TLN2: variants seen among roughly 807,000 people sequenced by gnomAD.
The protein encoded by TLN2 is talin-2.
TLN2 carries 118 observed loss-of-function variants against 294.7 expected under a neutral mutation model. The ratio of observed to expected loss-of-function variants is 0.40; its 90% CI spans 0.34 to 0.47. The LOEUF (loss-of-function observed/expected upper bound fraction) is 0.47, where lower values mean the gene tolerates loss of function less well. Ranked by LOEUF, TLN2 falls within the 20% of genes least tolerant of loss-of-function variation. The pLI, the probability that TLN2 is intolerant of heterozygous loss-of-function variation, is 0.84. For synonymous variants in TLN2, 1,431 were observed against 1,304.5 expected, an observed-to-expected ratio of 1.10 and a Z score of -2.09; for missense variants, 3,083 against 3,282.2, an observed-to-expected ratio of 0.94 and a Z score of 1.48.
At position 62,641,880 on chromosome 15, in the gene TLN2, A is replaced by G. The variant is rs2051159293; in HGVS notation, c.-36-5395A>G. Among the ~76,000 whole-genome samples the G allele has an allele frequency of 1.3e-5, 2 of 152,194 alleles. 1 individual carries two copies. The highest frequency in any genetic ancestry group is 2.9e-5 in the Non-Finnish European group (2 of 68,034). On this transcript the variant is annotated intron_variant, in intron 3 of 58. Coordinates refer to ENST00000636159, the MANE Select transcript of TLN2 (RefSeq NM_015059.3). The stretch of plus-strand genomic sequence containing the variant: ...AAGGGAAGGCTGCTCATCTTGACCA[A>G]TGACAGGCATTTATTTTGAAGAGAA...
At chr15:62,470,582 C>A (rs1468382829) in intron 1 of TLN2, among the ~76,000 whole-genome samples, 1 of 152,218 alleles carries the variant, frequency 6.6e-6, no homozygotes, top group African/African-American at 2.4e-5. Flanking sequence ...GATGCCCCTG[C>A]CCCCAGCAGC....
intron 1 of TLN2, among the ~76,000 whole-genome samples, chr15:62,465,082 T>TTG (rs1462138344): frequency 6.7e-6 from 1 of 150,170 alleles, no homozygotes; most frequent in Non-Finnish European, 1.5e-5. Context: ...ATGCATGTAC[T>TTG]TGGGAAACTT....
rs368526005 is a variant in TLN2 at position 62,722,422 on chromosome 15, C to G, written c.3061C>G (p.Gln1021Glu). Residue 1021 changes from glutamine to glutamate, a missense_variant, in exon 26 of 59, where the codon CAG becomes GAG. Coordinates refer to ENST00000636159, the MANE Select transcript of TLN2 (RefSeq NM_015059.3). ...PTVSDQAAAM[Q>E]LSQCAKNLAT... The stretch of plus-strand genomic sequence containing the variant: ...CGTGAGTGACCAGGCCGCAGCCATG[C>G]AGCTGAGCCAGTGTGCCAAGAACCT... 5.6e-6 allele frequency: 9 copies of G among 1,613,176 alleles called. No individual in the cohort carries two copies. Among genetic ancestry groups the G allele is most frequent in the South Asian group, 1.1e-5 (1 of 90,994 alleles).
intron 1 of TLN2, among the ~76,000 whole-genome samples, chr15:62,565,442 G>A (rs573368231): frequency 3.1e-4 from 47 of 152,240 alleles, no homozygotes; most frequent in African/African-American, 9.9e-4. Flanking sequence ...GCCCAATAGA[G>A]GGATTTAGGG....
At chr15:62,719,959 T>G in intron 25 of TLN2, 79 bp downstream of exon 25, 1 of 1,075,452 alleles carries the variant, frequency 9.3e-7, no homozygotes, top group Non-Finnish European at 1.3e-6. Context: ...GAGGAGTTAA[T>G]GAATTCCACA....
intron 1 of TLN2, among the ~76,000 whole-genome samples, chr15:62,491,398 T>TTATA (rs111613064): frequency 0.42 from 53,452 of 126,070 alleles, 10,573 homozygotes; most frequent in East Asian, 0.6. Context: ...ACACACACAT[T>TTATA]TATATAAGAT....
chr15:62,569,911 C>G (rs1271025849), intron 1 of TLN2, among the ~76,000 whole-genome samples: 3 of 152,338 alleles, frequency 2.0e-5, no homozygotes, highest in Middle Eastern at 3.4e-3. Context: ...TAATCCCTGG[C>G]TTTAAAGCTA....
chr15:62,460,260 GT>G lies in TLN2; in HGVS notation c.-238+69592del, dbSNP rs570067801. Among the ~76,000 whole-genome samples the G allele has an allele frequency of 4.1e-3, 574 of 139,212 alleles. 2 individuals carry two copies. The highest frequency in any genetic ancestry group is 0.01 in the African/African-American group (379 of 37,870). The allele number at this position is 139,212 out of a possible 152,430, so 91.3% of individuals were successfully genotyped here. On this transcript the variant is annotated intron_variant, in intron 1 of 58. Transcript: ENST00000636159. ...CCTCACCTGAATAAGTAGCCACATG[GT>G]TTTTTTTTTTTTTTTTCCCTTGAGA...
At chr15:62,771,520 A>G (rs2063349116) in intron 42 of TLN2, among the ~76,000 whole-genome samples, 1 of 152,164 alleles carries the variant, frequency 6.6e-6, no homozygotes, top group Non-Finnish European at 1.5e-5. Flanking sequence ...AAGAGACTGC[A>G]GTTTAATATG....
chr15:62,780,586 TC>T (rs765026620), intron 43 of TLN2, among the ~76,000 whole-genome samples: 12 of 152,342 alleles, frequency 7.9e-5, no homozygotes, highest in Non-Finnish European at 1.5e-4. Flanking sequence ...TTCTCTCAGT[TC>T]CTATTGCATT....
chr15:62,520,761 G>A (rs1368395462), intron 1 of TLN2, among the ~76,000 whole-genome samples: 1 of 152,172 alleles, frequency 6.6e-6, no homozygotes, highest in East Asian at 1.9e-4. Context: ...TTTTTAAAGT[G>A]TATATCTGTT....
chr15:62,799,157 G>C (rs1010715268), intron 48 of TLN2, among the ~76,000 whole-genome samples: 8 of 152,212 alleles, frequency 5.3e-5, no homozygotes, highest in Non-Finnish European at 1.0e-4. Flanking sequence ...TGGAGGTTAA[G>C]ACCGTGGCCC....
intron 8 of TLN2, 48 bp downstream of exon 8, chr15:62,656,134 G>C: frequency 1.2e-6 from 2 of 1,601,882 alleles, no homozygotes; most frequent in Non-Finnish European, 1.7e-6. Context: ...ATTGCAGGAA[G>C]CTCCTGGCTG....
At chr15:62,685,242 A>T (rs1397985190) in intron 11 of TLN2, among the ~76,000 whole-genome samples, 2 of 152,160 alleles carry the variant, frequency 1.3e-5, no homozygotes, top group East Asian at 3.8e-4. Flanking sequence ...TACTTCCATA[A>T]AACCAATTGT....
At chr15:62,502,193 C>T (rs1031312632) in intron 1 of TLN2, among the ~76,000 whole-genome samples, 3 of 152,206 alleles carry the variant, frequency 2.0e-5, no homozygotes, top group Non-Finnish European at 4.4e-5. Context: ...TGACATGCTG[C>T]TGCTCCTTTT....
chr15:62,699,686 G>A (rs2058592272), intron 16 of TLN2, among the ~76,000 whole-genome samples: 1 of 152,166 alleles, frequency 6.6e-6, no homozygotes, highest in Non-Finnish European at 1.5e-5. Context: ...AACAGAATCT[G>A]CATTTTAGCC....
intron 1 of TLN2, among the ~76,000 whole-genome samples, chr15:62,549,222 C>T (rs1442389097): frequency 6.6e-6 from 1 of 152,174 alleles, no homozygotes; most frequent in Non-Finnish European, 1.5e-5. Flanking sequence ...ACTTAAGATT[C>T]TTCTGTTCGG....
chr15:62,817,016 T>A (rs2067170592), intron 52 of TLN2, among the ~76,000 whole-genome samples: 1 of 151,848 alleles, frequency 6.6e-6, no homozygotes, highest in Non-Finnish European at 1.5e-5. Flanking sequence ...CAGTAGCTCT[T>A]TATATATATA....
At chr15:62,427,297 GGGTCCAGCACAGATCTAT>G (rs1164951217) in intron 1 of TLN2, among the ~76,000 whole-genome samples, 1 of 152,190 alleles carries the variant, frequency 6.6e-6, no homozygotes, top group Non-Finnish European at 1.5e-5. Flanking sequence ...AGTAGTTTGT[GGGTCCAGCACAGATCTAT>G]GGCTGGGCAC....
Sources: gnomAD v4.1 joint callset for allele counts (sites outside exome capture counted in the v4.1 genomes callset) on GRCh38, gnomAD v4.1.1 for gene constraint, MANE v1.5 for transcripts, NCBI Gene and HGNC (gene_info 2026-07-23, HGNC 2026-07-21) for gene names.